Variants in CALHM2 observed in about 807,000 individuals in gnomAD.
The protein encoded by CALHM2 is calcium homeostasis modulator protein 2.
In CALHM2, 18 loss-of-function variants were observed where a neutral mutation model predicts 20.4. That is an observed-to-expected ratio of 0.88 (90% CI 0.61 to 1.31). The LOEUF (loss-of-function observed/expected upper bound fraction) is 1.31. Ranked by LOEUF, CALHM2 falls within the 50% of genes most tolerant of loss-of-function variation. CALHM2 has a pLI of 0.00. For synonymous variants in CALHM2, 193 were observed against 192.1 expected, an observed-to-expected ratio of 1.00 and a Z score of -0.04; for missense variants, 411 against 435.7, an observed-to-expected ratio of 0.94 and a Z score of 0.50.
intron 1 of CALHM2, 83 bp from the exon 2 acceptor site, chr10:103,451,368 A>C (rs1159063226): frequency 6.6e-6 from 1 of 152,408 alleles, no homozygotes; most frequent in Non-Finnish European, 1.5e-5. Context: ...CAAGCCTGAG[A>C]GACAGGCCAG....
chr10:103,447,161 G>T lies in CALHM2; in HGVS notation c.963C>A (p.Leu321=). The T allele has an allele frequency of 1.9e-6, 3 of 1,606,900 alleles. No homozygotes were observed. The highest frequency in any genetic ancestry group is 2.6e-6 in the Non-Finnish European group (3 of 1,175,296). Residue 321 remains leucine, a synonymous_variant, in exon 4 of 4, where the codon CTC becomes CTA. Transcript: ENST00000260743. ...CATGGGAAGCACCTCCTTAGGAGGG[G>T]AGCAGGGCCATCTCCACGTTGTCAG... ...AAPDNVEMAL[L]PS
chr10:103,449,814 G>A lies in CALHM2; in HGVS notation c.128C>T (p.Ala43Val). ...GGCCGGCGAGCAGGGGCAGTGGAAGGCCACCACAGAGAACAGCTCCTGGCT... is the reference window on the plus strand; with the variant it reads ...GGCCGGCGAGCAGGGGCAGTGGAAGACCACCACAGAGAACAGCTCCTGGCT... The part of the protein sequence containing the change: ...VGSQELFSVV[A>V]FHCPCSPARN... Residue 43 changes from alanine (A) to valine (V), a missense_variant, in exon 3 of 4, where the codon GCC (alanine) becomes GTC (valine). Ala to Val is a moderately conservative substitution (Grantham distance 64). Coordinates refer to ENST00000260743, the MANE Select transcript of CALHM2 (RefSeq NM_015916.5). 5 of 1,613,416 alleles carry A rather than the reference G, an allele frequency of 3.1e-6. No homozygotes were observed. Among genetic ancestry groups the A allele is most frequent in the Non-Finnish European group, 4.2e-6 (5 of 1,180,032 alleles).
In CALHM2 at chr10:103,447,481, G is replaced by C. The variant is rs753123584; in HGVS notation, c.643C>G (p.Arg215Gly). ...LKHYCSPLSYRQEAYWAQYRA... is the reference protein window; with the variant it reads ...LKHYCSPLSYGQEAYWAQYRA... ...TACTGCGCCCAGTAGGCCTCCTGGC[G>C]GTAGCTGAGTGGTGAGCAGTAATGC... The change falls in exon 4 of 4, where the codon CGC becomes GGC. Residue 215 changes from arginine to glycine, a missense_variant. Arg to Gly is a moderately radical substitution (Grantham distance 125). Coordinates refer to ENST00000260743, the MANE Select transcript of CALHM2 (RefSeq NM_015916.5). The C allele has an allele frequency of 1.2e-6, 2 of 1,613,830 alleles. No homozygotes were observed. Among genetic ancestry groups the C allele is most frequent in the African/African-American group, 2.7e-5 (2 of 74,944 alleles).
Position 103,447,401 on chromosome 10 carries a change from C to T in CALHM2, c.723G>A (p.Val241=). ...AGCGGCGCACATTGTTGGCAGCGAGCACCCGAGAGTGCACCTCGGCCGTGC... is the reference window on the plus strand; with the variant it reads ...AGCGGCGCACATTGTTGGCAGCGAGTACCCGAGAGTGCACCTCGGCCGTGC... ...FQRTAEVHSR[V]LAANNVRRFF... is the part of the protein sequence containing the mutation. The change falls in exon 4 of 4, where the codon GTG becomes GTA. Residue 241 remains valine, a synonymous_variant. Coordinates refer to ENST00000260743, the MANE Select transcript of CALHM2 (RefSeq NM_015916.5). The T allele has an allele frequency of 6.2e-7, 1 of 1,614,094 alleles. No homozygotes were observed. The highest frequency in any genetic ancestry group is 8.5e-7 in the Non-Finnish European group (1 of 1,179,918).
rs772145632 is a variant in CALHM2, at chr10:103,450,047, G to A, written c.-106C>T. On this transcript the variant is annotated 5_prime_UTR_variant, in exon 3 of 4. Coordinates refer to ENST00000260743, the MANE Select transcript of CALHM2 (RefSeq NM_015916.5). ...GGGCACAGGCTGGGAGGCGCTGGAC[G>A]GCAGGGTGTGGTTGTGCTATTTTAT... The A allele has an allele frequency of 1.1e-4, 112 of 1,016,928 alleles. No individual in the cohort carries two copies. The highest frequency in any genetic ancestry group is 1.6e-4 in the Non-Finnish European group (112 of 684,768). The allele number at this position is 1,016,928 out of a possible 1,614,324, so 63.0% of individuals were successfully genotyped here. A position where few individuals can be genotyped will look rare whatever the true frequency, so the allele number is the denominator to read the frequency against.
At chr10:103,451,984 C>T (rs1415389026) in intron 1 of CALHM2, 172 bp downstream of exon 1, 1 of 152,520 alleles carries the variant, frequency 6.6e-6, no homozygotes, top group African/African-American at 2.4e-5. Context: ...GGACCTCCTC[C>T]AACATCAGTG....
intron 3 of CALHM2, 101 bp downstream of exon 3, chr10:103,449,286 C>T (rs909429841): frequency 6.8e-6 from 7 of 1,032,748 alleles, no homozygotes; most frequent in East Asian, 2.4e-5. Flanking sequence ...CCACAGACCT[C>T]AGCCCCTGAG....
rs979530717 is a variant in CALHM2, at chr10:103,452,238, C to G, written c.-444G>C. The G allele has an allele frequency of 2.6e-5, 4 of 152,702 alleles. No homozygotes were observed. Among genetic ancestry groups the G allele is most frequent in the Non-Finnish European group, 5.8e-5 (4 of 68,418 alleles). The allele number at this position is 152,702 out of a possible 1,614,324, so 9.5% of individuals were successfully genotyped here. A position where few individuals can be genotyped will look rare whatever the true frequency, so the allele number is the denominator to read the frequency against. ...TGGCCTCCAGGAGGGCGGTGCAGGG[C>G]AGCGGCGGCCTCCGCCGTTCCCTCC... On this transcript the variant is annotated 5_prime_UTR_variant, in exon 1 of 4. Coordinates refer to ENST00000260743, the MANE Select transcript of CALHM2 (RefSeq NM_015916.5).
In CALHM2 at chr10:103,447,423, G is replaced by T. The variant is rs759950369; in HGVS notation, c.701C>A (p.Thr234Lys). The T allele has an allele frequency of 1.2e-6, 2 of 1,614,180 alleles. No individual in the cohort carries two copies. Among genetic ancestry groups the T allele is most frequent in the Admixed American group, 1.7e-5 (1 of 60,030 alleles). The change falls in exon 4 of 4, where the codon ACG (threonine) becomes AAG (lysine). Residue 234 changes from threonine to lysine, a missense_variant. Physicochemically the swap from Thr to Lys is moderately conservative, Grantham distance 78. Transcript: ENST00000260743. ...RANEDQLFQRTAEVHSRVLAA... is the reference protein window; with the variant it reads ...RANEDQLFQRKAEVHSRVLAA... ...GAGCACCCGAGAGTGCACCTCGGCC[G>T]TGCGCTGGAACAGCTGGTCCTCATT...
Position 103,452,364 on chromosome 10 carries a change from G to C in CALHM2, c.-570C>G, listed in dbSNP as rs951536783. ...ACAGTGGGATGGAGTCTGCGCGCCAGTGAGTGGAAAAACAGCCTCCCGGCG... is the reference window on the plus strand; with the variant it reads ...ACAGTGGGATGGAGTCTGCGCGCCACTGAGTGGAAAAACAGCCTCCCGGCG... On this transcript the variant is annotated 5_prime_UTR_variant, in exon 1 of 4. Transcript: ENST00000260743. 26 of 152,378 alleles carry C rather than the reference G, an allele frequency of 1.7e-4. No homozygotes were observed. Among genetic ancestry groups the C allele is most frequent in the African/African-American group, 6.3e-4 (26 of 41,476 alleles). The allele number at this position is 152,378 out of a possible 1,614,324, so 9.4% of individuals were successfully genotyped here. A position where few individuals can be genotyped will look rare whatever the true frequency, so the allele number is the denominator to read the frequency against.
Position 103,446,979 on chromosome 10 carries a change from G to A in CALHM2, c.*173C>T. On this transcript the variant is annotated 3_prime_UTR_variant, in exon 4 of 4. Coordinates refer to ENST00000260743, the MANE Select transcript of CALHM2 (RefSeq NM_015916.5). Reference sequence around the variant, plus strand: ...CTGTCACCTGGCCCTGCTGGCTGGGGCTTCCATTGTCTACTGGGTCTGTCC... The same window carrying A: ...CTGTCACCTGGCCCTGCTGGCTGGGACTTCCATTGTCTACTGGGTCTGTCC... The A allele has an allele frequency of 1.6e-6, 1 of 636,940 alleles. No individual in the cohort carries two copies. Among genetic ancestry groups the A allele is most frequent in the Non-Finnish European group, 2.6e-6 (1 of 382,370 alleles). The allele number at this position is 636,940 out of a possible 1,614,324, so 39.5% of individuals were successfully genotyped here. A position where few individuals can be genotyped will look rare whatever the true frequency, so the allele number is the denominator to read the frequency against.
In CALHM2 at chr10:103,451,262, C is replaced by G. The variant is rs933815156; in HGVS notation, c.-338G>C. Reference sequence around the variant, plus strand: ...CATCCGGAGATTATTCTGCCTTGGTCTGGGCTGTAGCGACGCTGGCAACCT... The same window carrying G: ...CATCCGGAGATTATTCTGCCTTGGTGTGGGCTGTAGCGACGCTGGCAACCT... On this transcript the variant is annotated 5_prime_UTR_variant, in exon 2 of 4. Transcript: ENST00000260743. The G allele has an allele frequency of 6.6e-6, 1 of 152,412 alleles. No individual in the cohort carries two copies. Among genetic ancestry groups the G allele is most frequent in the African/African-American group, 2.4e-5 (1 of 41,464 alleles). The allele number at this position is 152,412 out of a possible 1,614,324, so 9.4% of individuals were successfully genotyped here. A position where few individuals can be genotyped will look rare whatever the true frequency, so the allele number is the denominator to read the frequency against.
At position 103,448,195 on chromosome 10, in the gene CALHM2, G is replaced by A. The variant is rs528587481; in HGVS notation, c.556-627C>T. On this transcript the variant is annotated intron_variant, in intron 3 of 3. Coordinates refer to ENST00000260743, the MANE Select transcript of CALHM2 (RefSeq NM_015916.5). ...GGAGTCTTGCTCTGTCGCCCAGGCT[G>A]GAGTACAGTGGCGTGATCTTGGCTC... Among the ~76,000 whole-genome samples the A allele has an allele frequency of 3.3e-5, 5 of 151,388 alleles. 1 individual carries two copies. In the South Asian group the frequency reaches 1.0e-3, roughly 32 times the overall value.
chr10:103,447,294 T>A lies in CALHM2; in HGVS notation c.830A>T (p.Gln277Leu), dbSNP rs756498578. The change falls in exon 4 of 4, where the codon CAG becomes CTG. Residue 277 changes from glutamine to leucine, a missense_variant. Gln to Leu is a moderately radical substitution (Grantham distance 113). Coordinates refer to ENST00000260743, the MANE Select transcript of CALHM2 (RefSeq NM_015916.5). ...GTAGACGCCGGTGATGGCATTCCACTGTGGCCGTGGCTGCGTGCCTTCCAC... is the reference window on the plus strand; with the variant it reads ...GTAGACGCCGGTGATGGCATTCCACAGTGGCCGTGGCTGCGTGCCTTCCAC... ...FPVEGTQPRPQWNAITGVYLY... is the reference protein window; with the variant it reads ...FPVEGTQPRPLWNAITGVYLY... 1 of 1,614,270 alleles carries A rather than the reference T, an allele frequency of 6.2e-7. No individual in the cohort carries two copies. The highest frequency in any genetic ancestry group is 1.3e-5 in the African/African-American group (1 of 75,078).
rs200458323 is a variant in CALHM2 at position 103,447,344 on chromosome 10, A to C, written c.780T>G (p.Asp260Glu). Residue 260 changes from aspartate to glutamate, a missense_variant, in exon 4 of 4, where the codon GAT (aspartate) becomes GAG (glutamate). Transcript: ENST00000260743. ...CTGGGAAGTTGGCAATCAGTTCCTC[A>C]TCATCCTTGTTGAGCGCCACAAAGC... The part of the protein sequence containing the change: ...FFGFVALNKD[D>E]EELIANFPVE... 8.1e-6 allele frequency: 13 copies of C among 1,614,218 alleles called. No homozygotes were observed. The highest frequency in any genetic ancestry group is 1.3e-5 in the African/African-American group (1 of 75,052).
Position 103,452,370 on chromosome 10 carries a change from G to A in CALHM2, c.-576C>T, listed in dbSNP as rs1310994311. On this transcript the variant is annotated 5_prime_UTR_variant, in exon 1 of 4. Transcript: ENST00000260743. ...GGATGGAGTCTGCGCGCCAGTGAGT[G>A]GAAAAACAGCCTCCCGGCGCCACCA... The A allele has an allele frequency of 6.6e-6, 1 of 152,410 alleles. No homozygotes were observed. The highest frequency in any genetic ancestry group is 2.4e-5 in the African/African-American group (1 of 41,474). 9.4% of individuals were successfully genotyped at this position (152,410 alleles called of 1,614,324 possible).
rs772713434 is a variant in CALHM2, at chr10:103,447,243, G to A, written c.881C>T (p.Pro294Leu). 1 of 1,614,216 alleles carries A rather than the reference G, an allele frequency of 6.2e-7. No homozygotes were observed. The highest frequency in any genetic ancestry group is 1.1e-5 in the South Asian group (1 of 91,090). ...VYLYRENQGL[P>L]LYSRLHKWAQ... ...CCACTTGTGCAGGCGGCTGTAGAGTGGGAGGCCCTGGTTCTCACGGTACAA... is the reference window on the plus strand; with the variant it reads ...CCACTTGTGCAGGCGGCTGTAGAGTAGGAGGCCCTGGTTCTCACGGTACAA... Residue 294 changes from proline to leucine, a missense_variant, in exon 4 of 4, where the codon CCA becomes CTA. Pro to Leu is a moderately conservative substitution (Grantham distance 98). Coordinates refer to ENST00000260743, the MANE Select transcript of CALHM2 (RefSeq NM_015916.5).
At chr10:103,448,041 G>A (rs1325454375) in intron 3 of CALHM2, among the ~76,000 whole-genome samples, 3 of 152,162 alleles carry the variant, frequency 2.0e-5, no homozygotes, top group Admixed American at 6.5e-5. Flanking sequence ...GAGATCTGGG[G>A]GCATTTGATC....
At position 103,449,507 on chromosome 10, in the gene CALHM2, T is replaced by C. The variant is rs1345078721; in HGVS notation, c.435A>G (p.Glu145=). Residue 145 remains glutamate (E), a synonymous_variant, in exon 3 of 4, where the codon GAA becomes GAG. Coordinates refer to ENST00000260743, the MANE Select transcript of CALHM2 (RefSeq NM_015916.5). ...TGGCGTGGGCTGATGGGAAGTGCTCTTCCCTGGCCGTGAGTGAGGAAGGGT... is the reference window on the plus strand; with the variant it reads ...TGGCGTGGGCTGATGGGAAGTGCTCCTCCCTGGCCGTGAGTGAGGAAGGGT... ...FVDPSSLTAR[E]EHFPSAHATE... The C allele has an allele frequency of 1.9e-6, 3 of 1,613,578 alleles. No homozygotes were observed. Among genetic ancestry groups the C allele is most frequent in the Non-Finnish European group, 2.5e-6 (3 of 1,180,016 alleles).
Sources: allele counts gnomAD v4.1 joint callset (sites outside exome capture counted in the v4.1 genomes callset), GRCh38; gene constraint gnomAD v4.1.1; transcripts MANE v1.5; gene names NCBI Gene and HGNC (gene_info 2026-07-23, HGNC 2026-07-21).